The following TCF4 variants were observed in gnomAD, a reference collection of about 807,000 sequenced individuals.
TCF4 encodes SL3-3 enhancer factor 2.
In TCF4, 3 loss-of-function variants were observed where a neutral mutation model predicts 82.1. That is an observed-to-expected ratio of 0.04 (90% confidence interval 0.02 to 0.09). The LOEUF (loss-of-function observed/expected upper bound fraction) is 0.09. TCF4 is among the 10% of genes least tolerant of loss of function. TCF4 has a pLI of 1.00. For missense variants in TCF4, 518 were observed against 852.7 expected (o/e 0.61, Z 4.89); for synonymous variants, 276 against 309.6 (o/e 0.89, Z 1.14).
intron 15 of TCF4, among the ~76,000 whole-genome samples, chr18:55,250,356 C>T (rs1030505224): frequency 8.5e-5 from 13 of 152,104 alleles, no homozygotes; most frequent in African/African-American, 3.1e-4. Flanking sequence ...TCTGGGAACC[C>T]AGCCATGGAA....
intron 3 of TCF4, among the ~76,000 whole-genome samples, chr18:55,517,555 C>T (rs12606243): frequency 0.1 from 15,940 of 151,948 alleles, 1,217 homozygotes; most frequent in East Asian, 0.43. Flanking sequence ...TGCTATGCAG[C>T]GATAGATAAT....
chr18:55,601,753 C>T (rs1261858485), intron 2 of TCF4, among the ~76,000 whole-genome samples: 2 of 152,162 alleles, frequency 1.3e-5, no homozygotes. Context: ...CACTGCACTC[C>T]AGTCTGGGCC....
intron 6 of TCF4, among the ~76,000 whole-genome samples, chr18:55,379,249 A>G (rs2091448258): frequency 6.6e-6 from 1 of 152,212 alleles, no homozygotes; most frequent in Non-Finnish European, 1.5e-5. Flanking sequence ...AGGAAGGCTG[A>G]AAAAGAAGCA....
chr18:55,371,964 C>T (rs1308748978), intron 6 of TCF4, among the ~76,000 whole-genome samples: 2 of 152,148 alleles, frequency 1.3e-5, no homozygotes, highest in South Asian at 2.1e-4. Context: ...AATAAAATGA[C>T]TTATAACCTC....
intron 6 of TCF4, 199 bp from the exon 7 acceptor site, chr18:55,351,202 C>T (rs944085332): frequency 5.0e-6 from 3 of 599,570 alleles, no homozygotes; most frequent in African/African-American, 1.9e-5. Context: ...TAATTCTTTA[C>T]TTTTAGGAGG....
chr18:55,572,551 C>CA (rs1441074055), intron 3 of TCF4, among the ~76,000 whole-genome samples: 2 of 152,106 alleles, frequency 1.3e-5, no homozygotes, highest in Non-Finnish European at 2.9e-5. Context: ...CTCCCTGTGA[C>CA]AAAATGCAAT....
chr18:55,440,702 T>A (rs954812519), intron 5 of TCF4, among the ~76,000 whole-genome samples: 23 of 152,224 alleles, frequency 1.5e-4, no homozygotes, highest in African/African-American at 5.5e-4. Context: ...TGTTTTCTGA[T>A]ATTCTCAACA....
chr18:55,401,224 T>C (rs1414029518), intron 6 of TCF4: 1 of 1,194,414 alleles, frequency 8.4e-7, no homozygotes, highest in African/African-American at 1.6e-5. Flanking sequence ...TGTACATTTT[T>C]CATCTTCAGT....
intron 2 of TCF4, among the ~76,000 whole-genome samples, chr18:55,619,998 G>A (rs2097716057): frequency 6.6e-6 from 1 of 152,172 alleles, no homozygotes; most frequent in Non-Finnish European, 1.5e-5. Context: ...CAATTGAACT[G>A]TGGGGGTGGT....
intron 9 of TCF4, among the ~76,000 whole-genome samples, chr18:55,278,518 C>T (rs1303069821): frequency 6.6e-6 from 1 of 152,146 alleles, no homozygotes; most frequent in Non-Finnish European, 1.5e-5. Flanking sequence ...GCTATCATTT[C>T]AAACATCTTG....
At chr18:55,277,688 A>G (rs957844288) in intron 9 of TCF4, among the ~76,000 whole-genome samples, 4 of 151,796 alleles carry the variant, frequency 2.6e-5, no homozygotes, top group African/African-American at 7.3e-5. Context: ...TGCTAGGGAA[A>G]GGAGCCTACT....
intron 6 of TCF4, among the ~76,000 whole-genome samples, chr18:55,388,257 TGAA>T (rs992005170): frequency 6.6e-6 from 1 of 151,716 alleles, no homozygotes; most frequent in African/African-American, 2.4e-5. Flanking sequence ...CCAGGGAGAG[TGAA>T]GGAGAATGAA....
chr18:55,575,602 A>T (rs2097522259), intron 3 of TCF4, among the ~76,000 whole-genome samples: 1 of 152,160 alleles, frequency 6.6e-6, no homozygotes, highest in Non-Finnish European at 1.5e-5. Context: ...TATACCAAGC[A>T]CAGTCATTCA....
chr18:55,455,634 A>C (rs755358723), intron 5 of TCF4, among the ~76,000 whole-genome samples: 18 of 152,130 alleles, frequency 1.2e-4, no homozygotes, highest in African/African-American at 1.7e-4. Context: ...TAAAAAGTGA[A>C]CTAAAATTTC....
At chr18:55,494,106 T>C (rs992623128) in intron 3 of TCF4, among the ~76,000 whole-genome samples, 68 of 151,414 alleles carry the variant, frequency 4.5e-4, no homozygotes, top group African/African-American at 1.7e-3. Context: ...CATTGACAGC[T>C]AGATTTTTAC....
intron 4 of TCF4, among the ~76,000 whole-genome samples, chr18:55,461,399 T>C (rs937350599): frequency 6.6e-6 from 1 of 152,184 alleles, no homozygotes; most frequent in African/African-American, 2.4e-5. Context: ...AATAAAATAG[T>C]GTATGTAAGA....
chr18:55,510,884 A>C, intron 3 of TCF4: 1 of 610,014 alleles, frequency 1.6e-6, no homozygotes, highest in Non-Finnish European at 2.2e-6. Flanking sequence ...CCTTTTCTGA[A>C]ACAAAAATAA....
intron 8 of TCF4, among the ~76,000 whole-genome samples, chr18:55,320,649 T>C (rs1423682049): frequency 6.6e-6 from 1 of 152,244 alleles, no homozygotes; most frequent in African/African-American, 2.4e-5. Flanking sequence ...AAAGCTCTGA[T>C]CTGTCCCCTT....
In TCF4 at chr18:55,233,661, C is replaced by T. The variant is rs544215198; in HGVS notation, c.1486+887G>A. Among the ~76,000 whole-genome samples the T allele has an allele frequency of 3.3e-5, 5 of 151,764 alleles. No individual in the cohort carries two copies. In the East Asian group the frequency reaches 5.8e-4, roughly 18 times the overall value. On this transcript the variant is annotated intron_variant, in intron 16 of 19. Coordinates refer to ENST00000354452, the MANE Select transcript of TCF4 (RefSeq NM_001083962.2). ...TGAAACCCTGTCTCTACTAAAAATA[C>T]GAAAAATAGCCAGGCATGGTGATGC...
Sources: allele counts gnomAD v4.1 joint callset (sites outside exome capture counted in the v4.1 genomes callset), GRCh38; gene constraint gnomAD v4.1.1; transcripts MANE v1.5; gene names NCBI Gene and HGNC (gene_info 2026-07-23, HGNC 2026-07-21).